KIAA0825: variants seen among roughly 807,000 people sequenced by gnomAD.
The protein encoded by KIAA0825 is KIAA0825, also known as uncharacterized protein KIAA0825.
In KIAA0825, 119 loss-of-function variants were observed where a neutral mutation model predicts 147.6. That is an observed-to-expected ratio of 0.81 (90% CI 0.69 to 0.94). The LOEUF (loss-of-function observed/expected upper bound fraction) is 0.94. Ranked by LOEUF, KIAA0825 falls within the 40% of genes least tolerant of loss-of-function variation. KIAA0825 has a pLI of 0.00. For synonymous variants in KIAA0825, 470 were observed against 518.1 expected (o/e 0.91, Z 1.26); for missense variants, 1,381 against 1,472.7 (o/e 0.94, Z 1.02).
At chr5:94,480,627 T>G (rs1762393262) in intron 6 of KIAA0825, among the ~76,000 whole-genome samples, 1 of 152,076 alleles carries the variant, frequency 6.6e-6, no homozygotes, top group African/African-American at 2.4e-5. Context: ...ATCTTGTATT[T>G]ATCATTTCAC....
chr5:94,299,206 C>T (rs1025230943), intron 20 of KIAA0825, among the ~76,000 whole-genome samples: 2 of 151,720 alleles, frequency 1.3e-5, no homozygotes, highest in East Asian at 1.9e-4. Flanking sequence ...ACTATAGATT[C>T]GATCTTTATT....
At chr5:94,159,052 T>C (rs936544379) in intron 20 of KIAA0825, among the ~76,000 whole-genome samples, 4 of 152,214 alleles carry the variant, frequency 2.6e-5, no homozygotes, top group African/African-American at 7.2e-5. Context: ...ATAGGTTAAG[T>C]AGTTTAACAA....
At chr5:94,532,208 T>C (rs2151301310) in intron 3 of KIAA0825, among the ~76,000 whole-genome samples, 1 of 152,136 alleles carries the variant, frequency 6.6e-6, no homozygotes, top group South Asian at 2.1e-4. Context: ...AGCGCAGTGG[T>C]GCAACGAGAG....
intron 2 of KIAA0825, among the ~76,000 whole-genome samples, chr5:94,579,383 TAGAA>T (rs1387592014): frequency 6.6e-6 from 1 of 152,336 alleles, no homozygotes; most frequent in East Asian, 1.9e-4. Flanking sequence ...CTCTAGCACA[TAGAA>T]AGAACTCAAT....
intron 20 of KIAA0825, among the ~76,000 whole-genome samples, chr5:94,297,542 A>G (rs1778191550): frequency 6.6e-6 from 1 of 152,186 alleles, no homozygotes. Context: ...CAATAAAGAA[A>G]AATTTTCAGT....
intron 20 of KIAA0825, among the ~76,000 whole-genome samples, chr5:94,289,535 GA>G (rs540467740): frequency 0.068 from 6,884 of 100,660 alleles, 491 homozygotes; most frequent in African/African-American, 0.23. Flanking sequence ...ACTCCATCTG[GA>G]AAAAAAAAAA....
At chr5:94,584,347 G>T (rs1782836655) in intron 1 of KIAA0825, among the ~76,000 whole-genome samples, 1 of 152,164 alleles carries the variant, frequency 6.6e-6, no homozygotes, top group Admixed American at 6.5e-5. Flanking sequence ...GAGCTTAAAT[G>T]ACCTGATGGT....
Position 94,152,683 on chromosome 5 carries a change from C to T in KIAA0825, c.*1324G>A, listed in dbSNP as rs1766584477. Among the ~76,000 whole-genome samples, 1 of 149,722 alleles carries T rather than the reference C, an allele frequency of 6.7e-6. No homozygotes were observed. Among genetic ancestry groups the T allele is most frequent in the Non-Finnish European group, 1.5e-5 (1 of 67,404 alleles). On this transcript the variant is annotated 3_prime_UTR_variant, in exon 21 of 21. Coordinates refer to ENST00000682413, the MANE Select transcript of KIAA0825 (RefSeq NM_001145678.3). Reference sequence around the variant, plus strand: ...AAAAAAAATTAACCAGGTGTGGTGGCATGCACCTGTAGTTCTAGCTACTCA... The same window carrying T: ...AAAAAAAATTAACCAGGTGTGGTGGTATGCACCTGTAGTTCTAGCTACTCA...
At chr5:94,384,511 T>G in intron 19 of KIAA0825, 53 bp from the exon 20 acceptor site, 2 of 1,410,110 alleles carry the variant, frequency 1.4e-6, no homozygotes, top group Non-Finnish European at 2.0e-6. Flanking sequence ...TCAGAGTTAA[T>G]ATGATCAGTA....
At chr5:94,600,889 C>A (rs1427845080) in intron 1 of KIAA0825, among the ~76,000 whole-genome samples, 2 of 152,214 alleles carry the variant, frequency 1.3e-5, no homozygotes, top group African/African-American at 2.4e-5. Context: ...GCCACTCCCA[C>A]TGACATTCTC....
intron 20 of KIAA0825, among the ~76,000 whole-genome samples, chr5:94,304,601 C>G (rs1778608042): frequency 6.6e-6 from 1 of 151,856 alleles, no homozygotes; most frequent in Non-Finnish European, 1.5e-5. Context: ...TTTGTCCTCT[C>G]TTTGCTTTCT....
At chr5:94,216,458 T>C (rs888452398) in intron 20 of KIAA0825, among the ~76,000 whole-genome samples, 4 of 152,158 alleles carry the variant, frequency 2.6e-5, no homozygotes, top group African/African-American at 7.2e-5. Flanking sequence ...ATTGCTGCCA[T>C]TGGGCTTTTT....
intron 2 of KIAA0825, among the ~76,000 whole-genome samples, chr5:94,565,095 CTT>C (rs1176429699): frequency 2.8e-4 from 15 of 52,928 alleles, no homozygotes; most frequent in East Asian, 1.5e-3. Flanking sequence ...TCTTGCTTTC[CTT>C]TTTTTTTTTT....
At chr5:94,410,811 G>A (rs1016503570) in intron 15 of KIAA0825, among the ~76,000 whole-genome samples, 10 of 151,860 alleles carry the variant, frequency 6.6e-5, no homozygotes, top group Non-Finnish European at 1.3e-4. Flanking sequence ...GCAATCAAAA[G>A]CTAAAATAAA....
intron 7 of KIAA0825, among the ~76,000 whole-genome samples, chr5:94,475,501 A>T (rs929065385): frequency 1.3e-5 from 2 of 152,218 alleles, no homozygotes. Context: ...GTACATTAAC[A>T]GCTGCTCTTA....
At chr5:94,391,776 G>A in intron 17 of KIAA0825, 82 bp from the exon 18 acceptor site, 1 of 1,162,220 alleles carries the variant, frequency 8.6e-7, no homozygotes, top group Non-Finnish European at 1.2e-6. Flanking sequence ...AGTGTGGAGA[G>A]TTGATGTAAA....
intron 1 of KIAA0825, chr5:94,593,158 G>A (rs1784648405): frequency 1.3e-6 from 1 of 746,774 alleles, no homozygotes; most frequent in Non-Finnish European, 2.5e-6. Flanking sequence ...TGCTGGTGAG[G>A]CCCACGATCC....
At chr5:94,190,701 G>T (rs1012439507) in intron 20 of KIAA0825, among the ~76,000 whole-genome samples, 1 of 151,690 alleles carries the variant, frequency 6.6e-6, no homozygotes, top group African/African-American at 2.4e-5. Flanking sequence ...TACATCTATT[G>T]CAATGACTAC....
At chr5:94,225,516 A>C (rs940350296) in intron 20 of KIAA0825, among the ~76,000 whole-genome samples, 1 of 152,210 alleles carries the variant, frequency 6.6e-6, no homozygotes, top group African/African-American at 2.4e-5. Context: ...TTAATTATTC[A>C]TAAAGTTGGA....
Sources: gnomAD v4.1 joint callset for allele counts (sites outside exome capture counted in the v4.1 genomes callset) on GRCh38, gnomAD v4.1.1 for gene constraint, MANE v1.5 for transcripts, NCBI Gene and HGNC (gene_info 2026-07-23, HGNC 2026-07-21) for gene names.